Variants in FSTL5 observed in about 807,000 individuals in gnomAD.
FSTL5 encodes follistatin-related protein 5.
In FSTL5, 62 loss-of-function variants were observed where a neutral mutation model predicts 89.1. The ratio of observed to expected loss-of-function variants is 0.70; its 90% CI spans 0.57 to 0.86. FSTL5 has a LOEUF of 0.86. Ranked by LOEUF, FSTL5 falls within the 40% of genes least tolerant of loss-of-function variation. The pLI, the probability that FSTL5 is intolerant of heterozygous loss-of-function variation, is 0.00. For missense variants in FSTL5, 1,057 were observed against 1,001.6 expected (o/e 1.06, Z -0.75); for synonymous variants, 383 against 346.2 (o/e 1.11, Z -1.18).
chr4:161,800,990 C>G (rs1169429073), intron 4 of FSTL5, among the ~76,000 whole-genome samples: 3 of 151,446 alleles, frequency 2.0e-5, no homozygotes, highest in Non-Finnish European at 4.4e-5. Flanking sequence ...TTTGGAAGTA[C>G]TAGGAACCAT....
At chr4:161,419,716 C>G (rs974212343) in intron 15 of FSTL5, among the ~76,000 whole-genome samples, 1 of 152,202 alleles carries the variant, frequency 6.6e-6, no homozygotes, top group Non-Finnish European at 1.5e-5. Context: ...TCTCCAAACT[C>G]ATCTCCTAAC....
At chr4:162,018,501 C>T (rs899605705) in intron 3 of FSTL5, among the ~76,000 whole-genome samples, 11 of 151,302 alleles carry the variant, frequency 7.3e-5, no homozygotes, top group Non-Finnish European at 1.3e-4. Flanking sequence ...GTAAGAGTAA[C>T]GATTTAATAA....
At chr4:161,849,528 TACACACACAC>T (rs35353090) in intron 4 of FSTL5, among the ~76,000 whole-genome samples, 8 of 147,312 alleles carry the variant, frequency 5.4e-5, no homozygotes, top group Admixed American at 2.0e-4. Flanking sequence ...GCCCTCGACC[TACACACACAC>T]ACACACACAC....
At chr4:162,148,530 A>C (rs1354536506) in intron 1 of FSTL5, among the ~76,000 whole-genome samples, 2 of 152,190 alleles carry the variant, frequency 1.3e-5, no homozygotes, top group African/African-American at 2.4e-5. Context: ...AGGTCTAAAA[A>C]CACCTATTAA....
intron 3 of FSTL5, among the ~76,000 whole-genome samples, chr4:161,997,867 G>C (rs1736346018): frequency 6.6e-6 from 1 of 151,936 alleles, no homozygotes; most frequent in Non-Finnish European, 1.5e-5. Flanking sequence ...GCCTCCCAAA[G>C]TGCTGGGATT....
intron 3 of FSTL5, among the ~76,000 whole-genome samples, chr4:162,025,088 T>C (rs1156755818): frequency 2.6e-5 from 4 of 152,096 alleles, no homozygotes; most frequent in African/African-American, 9.7e-5. Context: ...TTTTTTTTCA[T>C]TACAGTGCTC....
At chr4:161,817,588 T>G (rs1730365591) in intron 4 of FSTL5, among the ~76,000 whole-genome samples, 2 of 152,204 alleles carry the variant, frequency 1.3e-5, no homozygotes. Context: ...CCTCAGCAAT[T>G]CTTAGCAGTT....
intron 1 of FSTL5, among the ~76,000 whole-genome samples, chr4:162,118,239 T>G (rs1243291434): frequency 1.3e-5 from 2 of 148,572 alleles, no homozygotes; most frequent in East Asian, 4.1e-4. Flanking sequence ...TTTAATATTT[T>G]TCTTAGGAAA....
chr4:161,686,444 C>T (rs558896188), intron 6 of FSTL5, among the ~76,000 whole-genome samples: 82 of 143,404 alleles, frequency 5.7e-4, no homozygotes, highest in South Asian at 5.6e-3. Context: ...CTGCAAGCTC[C>T]GCCTCCCAGG....
At chr4:161,551,885 A>T (rs1299931174) in intron 8 of FSTL5, among the ~76,000 whole-genome samples, 1 of 151,992 alleles carries the variant, frequency 6.6e-6, no homozygotes, top group East Asian at 1.9e-4. Context: ...TAAAAACCCT[A>T]GAAGAAAACC....
chr4:161,877,650 C>A (rs1359223141), intron 4 of FSTL5, among the ~76,000 whole-genome samples: 1 of 151,126 alleles, frequency 6.6e-6, no homozygotes, highest in Admixed American at 6.6e-5. Flanking sequence ...CACAGTGAAA[C>A]CCCGTTTCTA....
In FSTL5 at chr4:162,073,337, T is replaced by C. The variant is rs114477618; in HGVS notation, c.126+37934A>G. Among the ~76,000 whole-genome samples the C allele has an allele frequency of 4.2e-3, 640 of 151,876 alleles. 8 individuals are homozygous for C. Among genetic ancestry groups the C allele is most frequent in the African/African-American group, 0.015 (613 of 41,488 alleles). The stretch of plus-strand genomic sequence containing the variant: ...ATAACTGCTTTTAAATTGACTAGTT[T>C]AGGAAACATCTGTTTCTTATTGATA... On this transcript the variant is annotated intron_variant, in intron 2 of 15. Transcript: ENST00000306100.
chr4:162,133,695 T>C (rs563696174), intron 1 of FSTL5, among the ~76,000 whole-genome samples: 146 of 152,286 alleles, frequency 9.6e-4, no homozygotes, highest in African/African-American at 3.2e-3. Flanking sequence ...AAGTCTACCA[T>C]AAAATGACAA....
At chr4:161,665,869 A>T (rs913294765) in intron 6 of FSTL5, among the ~76,000 whole-genome samples, 1 of 151,166 alleles carries the variant, frequency 6.6e-6, no homozygotes, top group African/African-American at 2.4e-5. Flanking sequence ...GCAAAAAAAT[A>T]AAAAAGAAGA....
At chr4:161,971,772 T>G (rs547975912) in intron 3 of FSTL5, among the ~76,000 whole-genome samples, 2 of 152,126 alleles carry the variant, frequency 1.3e-5, no homozygotes, top group Admixed American at 1.3e-4. Flanking sequence ...ATCCCCAAAA[T>G]CCAAACAAAC....
At chr4:161,755,527 T>C (rs1004801169) in intron 6 of FSTL5, among the ~76,000 whole-genome samples, 12 of 152,092 alleles carry the variant, frequency 7.9e-5, no homozygotes, top group Non-Finnish European at 1.8e-4. Flanking sequence ...TAATGAATCA[T>C]GATAGATTTC....
At chr4:161,400,719 A>C (rs1011467707) in intron 15 of FSTL5, among the ~76,000 whole-genome samples, 6 of 152,150 alleles carry the variant, frequency 3.9e-5, no homozygotes, top group Admixed American at 1.3e-4. Context: ...TATCATCAAA[A>C]AATGTTTGTA....
At chr4:161,665,735 T>C (rs1188703570) in intron 6 of FSTL5, among the ~76,000 whole-genome samples, 1 of 151,660 alleles carries the variant, frequency 6.6e-6, no homozygotes, top group East Asian at 1.9e-4. Flanking sequence ...TTAACATATT[T>C]ACAAAAAACA....
intron 8 of FSTL5, among the ~76,000 whole-genome samples, chr4:161,570,711 C>T (rs556770320): frequency 4.5e-4 from 68 of 152,172 alleles, no homozygotes; most frequent in Non-Finnish European, 8.1e-4. Context: ...ACAAAGAACA[C>T]TAAAATTCTC....
Sources: allele counts gnomAD v4.1 joint callset (sites outside exome capture counted in the v4.1 genomes callset), GRCh38; gene constraint gnomAD v4.1.1; transcripts MANE v1.5; gene names NCBI Gene and HGNC (gene_info 2026-07-23, HGNC 2026-07-21).